The following ANKS1B variants were observed in gnomAD, a reference collection of about 807,000 sequenced individuals.
The protein encoded by ANKS1B is ankyrin repeat and sterile alpha motif domain containing 1B.
A neutral mutation model predicts 148.3 loss-of-function variants in ANKS1B; 36 were observed. That is an observed-to-expected ratio of 0.24 (90% CI 0.19 to 0.32). The LOEUF (loss-of-function observed/expected upper bound fraction) is 0.32, where lower values mean the gene tolerates loss of function less well. Among genes scored for constraint, ANKS1B ranks in the 10% least tolerant of loss-of-function variants. ANKS1B has a pLI of 1.00. For synonymous variants in ANKS1B, 542 were observed against 560.8 expected (o/e 0.97, Z 0.47); for missense variants, 1,157 against 1,542.6 (o/e 0.75, Z 4.19).
chr12:99,286,526 G>T (rs1458376460), intron 12 of ANKS1B, among the ~76,000 whole-genome samples: 1 of 152,094 alleles, frequency 6.6e-6, no homozygotes, highest in Non-Finnish European at 1.5e-5. Flanking sequence ...GAAAGGAGAG[G>T]GAAGAGTAAA....
chr12:98,770,493 G>A (rs533598221), intron 25 of ANKS1B, among the ~76,000 whole-genome samples: 8 of 152,292 alleles, frequency 5.3e-5, no homozygotes, highest in Admixed American at 3.9e-4. Context: ...CTTTAATCCC[G>A]TGCAAACAAA....
rs768052446 is a variant in ANKS1B at position 99,984,208 on chromosome 12, A to G, written c.30T>C (p.Ala10=). The change falls in exon 1 of 27, where the codon GCT becomes GCC. Residue 10 remains alanine, a synonymous_variant. Coordinates refer to ENST00000683438, the MANE Select transcript of ANKS1B (RefSeq NM_001352186.2). ...CCAGAGCCACATTTCCAGTGCGAGC[A>G]GCTTCCAGCAGCTCCTGGTCCTTCC... MGKDQELLE[A]ARTGNVALVE... The G allele has an allele frequency of 6.2e-7, 1 of 1,613,726 alleles. No homozygotes were observed. The highest frequency in any genetic ancestry group is 1.7e-5 in the Admixed American group (1 of 60,000).
At chr12:99,303,228 C>G (rs927308062) in intron 12 of ANKS1B, among the ~76,000 whole-genome samples, 1 of 152,108 alleles carries the variant, frequency 6.6e-6, no homozygotes, top group East Asian at 1.9e-4. Context: ...ATGGACTTGC[C>G]TTACAAATCT....
intron 15 of ANKS1B, among the ~76,000 whole-genome samples, chr12:99,107,345 GCA>G (rs367820275): frequency 1.6e-4 from 24 of 152,184 alleles, no homozygotes; most frequent in Middle Eastern, 3.4e-3. Context: ...ATACACTCCT[GCA>G]CAGAGAAGCC....
At chr12:99,749,207 A>G (rs2060877212) in intron 8 of ANKS1B, among the ~76,000 whole-genome samples, 1 of 152,104 alleles carries the variant, frequency 6.6e-6, no homozygotes, top group Admixed American at 6.6e-5. Flanking sequence ...ATTAATCAAT[A>G]CATCCATCTC....
Position 99,812,263 on chromosome 12 carries a change from T to C in ANKS1B, c.264A>G (p.Ala88=). ...GAATAGGAAAATACCCTTTGTTGTCTGCTACATTTGTTGATGCCTCATACT... is the reference window on the plus strand; with the variant it reads ...GAATAGGAAAATACCCTTTGTTGTCCGCTACATTTGTTGATGCCTCATACT... ...LLQYEASTNV[A]DNKGYFPIHL... is the part of the protein sequence containing the mutation. The change falls in exon 3 of 27, where the codon GCA becomes GCG. Residue 88 remains alanine, a synonymous_variant. Coordinates refer to ENST00000683438, the MANE Select transcript of ANKS1B (RefSeq NM_001352186.2). 6.2e-7 allele frequency: 1 copy of C among 1,611,822 alleles called. No individual in the cohort carries two copies. Among genetic ancestry groups the C allele is most frequent in the Non-Finnish European group, 8.5e-7 (1 of 1,178,502 alleles).
intron 11 of ANKS1B, among the ~76,000 whole-genome samples, chr12:99,411,899 A>C (rs11109828): frequency 0.095 from 14,389 of 152,142 alleles, 866 homozygotes; most frequent in Non-Finnish European, 0.13. Context: ...CATTGTCCTA[A>C]AGAACCTTCA....
At chr12:99,048,635 T>C (rs535868621) in intron 17 of ANKS1B, 3 of 152,748 alleles carry the variant, frequency 2.0e-5, no homozygotes, top group East Asian at 1.9e-4. Flanking sequence ...ATGCAAAAGA[T>C]GCTGAAAGGT....
chr12:99,699,184 G>C (rs532524458), intron 8 of ANKS1B, among the ~76,000 whole-genome samples: 9 of 152,042 alleles, frequency 5.9e-5, no homozygotes, highest in Non-Finnish European at 1.2e-4. Flanking sequence ...AGACACATAC[G>C]TGTGTGTGCA....
intron 4 of ANKS1B, among the ~76,000 whole-genome samples, chr12:99,798,433 A>AAAAAAAAAAAC (rs1567868305): frequency 1.4e-5 from 2 of 145,030 alleles, no homozygotes; most frequent in Non-Finnish European, 1.5e-5. Context: ...TAAAAAAAAA[A>AAAAAAAAAAAC]AAAAAAAAAA....
chr12:99,455,322 C>T (rs548542381), intron 10 of ANKS1B, among the ~76,000 whole-genome samples: 26 of 152,270 alleles, frequency 1.7e-4, no homozygotes, highest in Admixed American at 4.6e-4. Flanking sequence ...GGATAGGAGG[C>T]AGGACTAACT....
intron 17 of ANKS1B, among the ~76,000 whole-genome samples, chr12:98,945,874 G>C (rs1325759434): frequency 2.0e-5 from 3 of 152,194 alleles, no homozygotes; most frequent in Non-Finnish European, 2.9e-5. Context: ...GATGCTTCCA[G>C]AATTTTCAGT....
chr12:99,329,581 AT>A (rs2087111087), intron 12 of ANKS1B, among the ~76,000 whole-genome samples: 1 of 151,864 alleles, frequency 6.6e-6, no homozygotes. Flanking sequence ...TGCATTGTAT[AT>A]TTTACCACAT....
intron 17 of ANKS1B, among the ~76,000 whole-genome samples, chr12:98,912,881 T>G (rs916961366): frequency 1.3e-5 from 2 of 152,208 alleles, no homozygotes; most frequent in Non-Finnish European, 2.9e-5. Flanking sequence ...TTGCACAACT[T>G]TAGATGGAAA....
chr12:99,682,607 G>C (rs1013746190), intron 8 of ANKS1B, among the ~76,000 whole-genome samples: 1 of 152,132 alleles, frequency 6.6e-6, no homozygotes, highest in Non-Finnish European at 1.5e-5. Flanking sequence ...AGCAAAAGTG[G>C]TGCTAAAAGG....
intron 17 of ANKS1B, among the ~76,000 whole-genome samples, chr12:99,037,144 A>G (rs2099956060): frequency 6.6e-6 from 1 of 152,208 alleles, no homozygotes; most frequent in African/African-American, 2.4e-5. Context: ...GTTTATTTAC[A>G]TATTACCAAA....
chr12:99,693,927 C>G (rs775193550), intron 8 of ANKS1B, among the ~76,000 whole-genome samples: 1 of 151,192 alleles, frequency 6.6e-6, no homozygotes, highest in African/African-American at 2.4e-5. Flanking sequence ...ACTACAGATG[C>G]GTGCCAACAT....
intron 15 of ANKS1B, among the ~76,000 whole-genome samples, chr12:99,131,160 C>T (rs987389239): frequency 2.0e-5 from 3 of 152,150 alleles, no homozygotes; most frequent in African/African-American, 7.2e-5. Flanking sequence ...TCTGCCTGTC[C>T]ACCTGCTCTC....
At position 98,744,173 on chromosome 12, in the gene ANKS1B, A is replaced by T; in HGVS notation, c.*1566T>A. 1 of 985,110 alleles carries T rather than the reference A, an allele frequency of 1.0e-6. No homozygotes were observed. Among genetic ancestry groups the T allele is most frequent in the Non-Finnish European group, 1.2e-6 (1 of 829,228 alleles). 61.0% of individuals were successfully genotyped at this position (985,110 alleles called of 1,614,324 possible). ...TGTTATTTAACTCTCATTTTGCTAC[A>T]TACATATCAACAGTGAATAGGCAAA... On this transcript the variant is annotated 3_prime_UTR_variant, in exon 27 of 27. Coordinates refer to ENST00000683438, the MANE Select transcript of ANKS1B (RefSeq NM_001352186.2).
Sources: allele counts gnomAD v4.1 joint callset (sites outside exome capture counted in the v4.1 genomes callset), GRCh38; gene constraint gnomAD v4.1.1; transcripts MANE v1.5; gene names NCBI Gene and HGNC (gene_info 2026-07-23, HGNC 2026-07-21).